Variants in TREML4 observed in about 807,000 individuals in gnomAD.
TREML4 encodes trem-like transcript 4 protein.
In TREML4, 25 loss-of-function variants were observed where a neutral mutation model predicts 25.4. The observed-to-expected ratio is 0.98, with a 90% CI of 0.72 to 1.37. The LOEUF (loss-of-function observed/expected upper bound fraction) is 1.37, where lower values mean the gene tolerates loss of function less well. TREML4 is among the 40% of genes most tolerant of loss of function. TREML4 has a pLI of 0.00. For synonymous variants in TREML4, 92 were observed against 87.9 expected, an observed-to-expected ratio of 1.05 and a Z score of -0.26; for missense variants, 268 against 236.5, an observed-to-expected ratio of 1.13 and a Z score of -0.87.
chr6:41,233,040 T>C (rs1415978110), intron 4 of TREML4, among the ~76,000 whole-genome samples: 1 of 152,166 alleles, frequency 6.6e-6, no homozygotes, highest in African/African-American at 2.4e-5. Context: ...TGGGTACTTG[T>C]CTCATGAGAG....
intron 4 of TREML4, 55 bp from the exon 5 acceptor site, chr6:41,236,431 G>A: frequency 1.3e-5 from 19 of 1,504,288 alleles, no homozygotes; most frequent in Non-Finnish European, 1.7e-5. Context: ...GGACACCGCA[G>A]GAGGTGGTGA....
chr6:41,232,324 A>G (rs773706861), intron 4 of TREML4: 30 of 399,334 alleles, frequency 7.5e-5, no homozygotes, highest in South Asian at 1.2e-4. Context: ...TGTGCCCAGC[A>G]TCTTGGGAAA....
intron 5 of TREML4, 87 bp downstream of exon 5, chr6:41,236,704 T>G: frequency 1.4e-6 from 1 of 715,324 alleles, no homozygotes; most frequent in Non-Finnish European, 2.4e-6. Context: ...AGCAGCCAGG[T>G]CACAGAGGCA....
At chr6:41,230,217 A>T in intron 4 of TREML4, 95 bp downstream of exon 4, 2 of 1,058,474 alleles carry the variant, frequency 1.9e-6, no homozygotes, top group Non-Finnish European at 2.9e-6. Flanking sequence ...GCACCCAGGG[A>T]TCCTTCTCTG....
chr6:41,229,110 A>T, intron 2 of TREML4, 66 bp downstream of exon 2: 1 of 1,377,900 alleles, frequency 7.3e-7, no homozygotes, highest in Non-Finnish European at 1.0e-6. Context: ...AATGTCATGC[A>T]CCCCCTCCCA....
At chr6:41,229,424 G>A (rs916495463) in intron 2 of TREML4, 97 bp from the exon 3 acceptor site, 13 of 1,315,186 alleles carry the variant, frequency 9.9e-6, no homozygotes, top group Admixed American at 1.7e-5. Context: ...CATCCTGAGG[G>A]TCTGGCTCTG....
chr6:41,228,394 TCTC>T lies in TREML4; in HGVS notation c.-29_-27del, dbSNP rs1561900426. 1.3e-6 allele frequency: 2 copies of T among 1,561,266 alleles called. No individual in the cohort carries two copies. Among genetic ancestry groups the T allele is most frequent in the East Asian group, 2.3e-5 (1 of 43,486 alleles). On this transcript the variant is annotated 5_prime_UTR_variant, in exon 1 of 6. Coordinates refer to ENST00000341495, the MANE Select transcript of TREML4 (RefSeq NM_198153.3). ...CCTGAGAGGGCTCCCTTTTTTCTCCTCTCCTCCGCTGTCAGAAACAGATCTGGG... is the reference window on the plus strand; with the variant it reads ...CCTGAGAGGGCTCCCTTTTTTCTCCTCTCCGCTGTCAGAAACAGATCTGGG...
At position 41,238,241 on chromosome 6, in the gene TREML4, A is replaced by G. The variant is rs1766938682; in HGVS notation, c.*1222A>G. ...TTTATTTTTTTAATCCTCATTCCCTATGTCCACTTGCCTTCCTCTCCGAGG... is the reference window on the plus strand; with the variant it reads ...TTTATTTTTTTAATCCTCATTCCCTGTGTCCACTTGCCTTCCTCTCCGAGG... On this transcript the variant is annotated 3_prime_UTR_variant, in exon 6 of 6. Transcript: ENST00000341495. The G allele has an allele frequency of 2.0e-5, 3 of 152,260 alleles. No individual in the cohort carries two copies. The highest frequency in any genetic ancestry group is 3.9e-4 in the East Asian group (2 of 5,188). The allele number at this position is 152,260 out of a possible 1,614,324, so 9.4% of individuals were successfully genotyped here. A position where few individuals can be genotyped will look rare whatever the true frequency, so the allele number is the denominator to read the frequency against.
intron 2 of TREML4, 69 bp downstream of exon 2, chr6:41,229,113 C>G: frequency 1.5e-6 from 2 of 1,330,446 alleles, no homozygotes; most frequent in African/African-American, 2.9e-5. Flanking sequence ...GTCATGCACC[C>G]CCTCCCATGC....
rs549967038 is a variant in TREML4, at chr6:41,233,187, C to T, written c.506+3065C>T. ...ACTCTAGCCAAAGGAAAGTCGGAAT[C>T]GAATTTTTAAAAAATAAAGCACAAT... On this transcript the variant is annotated intron_variant, in intron 4 of 5. Transcript: ENST00000341495. 1.2e-4 allele frequency among the ~76,000 whole-genome samples: 18 copies of T among 151,926 alleles called. No homozygotes were observed. The South Asian group carries it at 3.5e-3, about 30-fold the overall frequency.
At chr6:41,233,837 T>A (rs962805908) in intron 4 of TREML4, among the ~76,000 whole-genome samples, 2 of 151,222 alleles carry the variant, frequency 1.3e-5, no homozygotes, top group East Asian at 1.9e-4. Flanking sequence ...TGCTTTTAAA[T>A]ATATAATATT....
Position 41,234,414 on chromosome 6 carries a change from AC to A in TREML4, c.507-2069del, listed in dbSNP as rs202177384. 6.6e-3 allele frequency among the ~76,000 whole-genome samples: 1,007 copies of A among 151,522 alleles called. 11 individuals carry two copies. Among genetic ancestry groups the A allele is most frequent in the African/African-American group, 0.023 (949 of 41,504 alleles). ...AGATGGAACACGAGCATCAGAGCAA[AC>A]CCAAAGAATCATATAATTGAATGAT... On this transcript the variant is annotated intron_variant, in intron 4 of 5. Coordinates refer to ENST00000341495, the MANE Select transcript of TREML4 (RefSeq NM_198153.3).
In TREML4 at chr6:41,228,732, C is replaced by T. The variant is rs1766725926; in HGVS notation, c.82C>T (p.Leu28Phe). Residue 28 changes from leucine (L) to phenylalanine (F), a missense_variant, in exon 2 of 6, where the codon CTT becomes TTT. Leu to Phe is a conservative substitution (Grantham distance 22, BLOSUM62 0). Coordinates refer to ENST00000341495, the MANE Select transcript of TREML4 (RefSeq NM_198153.3). ...GGTAAAGGGTGCTGTGCCTGAAGAA[C>T]TTCACAAACACCCAGGACAGACCCT... The part of the protein sequence containing the change: ...SWPQGAVPEE[L>F]HKHPGQTLLL... 18 of 1,613,420 alleles carry T rather than the reference C, an allele frequency of 1.1e-5. No individual in the cohort carries two copies. The highest frequency in any genetic ancestry group is 1.4e-5 in the Non-Finnish European group (17 of 1,179,594).
Position 41,228,363 on chromosome 6 carries a change from A to AATC in TREML4, c.-65_-64insATC. 3.7e-6 allele frequency: 4 copies of AATC among 1,073,538 alleles called. 1 individual carries two copies. The highest frequency in any genetic ancestry group is 5.1e-6 in the Non-Finnish European group (4 of 787,802). 66.5% of individuals were successfully genotyped at this position (1,073,538 alleles called of 1,614,324 possible). A position where few individuals can be genotyped will look rare whatever the true frequency, so the allele number is the denominator to read the frequency against. On this transcript the variant is annotated 5_prime_UTR_variant, in exon 1 of 6. Coordinates refer to ENST00000341495, the MANE Select transcript of TREML4 (RefSeq NM_198153.3). ...GGGGCAGAATCAGACCCAGCGTCTG[A>AATC]CTCCTCCTGAGAGGGCTCCCTTTTT...
In TREML4 at chr6:41,228,461, C is replaced by T; in HGVS notation, c.34C>T (p.His12Tyr). The change falls in exon 1 of 6, where the codon CAC becomes TAC. Residue 12 changes from histidine (H) to tyrosine (Y), a missense_variant. Transcript: ENST00000341495. ...AWGGVHTCCF[H>Y]LCCCCSWPQG... ...GGGTGGGGTCCACACCTGCTGCTTC[C>T]ACCTGTGCTGCTGCTGCTCCTGGCC... The T allele has an allele frequency of 6.2e-7, 1 of 1,613,084 alleles. No homozygotes were observed. The highest frequency in any genetic ancestry group is 8.5e-7 in the Non-Finnish European group (1 of 1,179,596).
At position 41,228,806 on chromosome 6, in the gene TREML4, A is replaced by T. The variant is rs1243051607; in HGVS notation, c.156A>T (p.Lys52Asn). 1 of 1,614,100 alleles carries T rather than the reference A, an allele frequency of 6.2e-7. No individual in the cohort carries two copies. The highest frequency in any genetic ancestry group is 2.2e-5 in the East Asian group (1 of 44,876). ...YSPKRGPYQPKSWCQQTSPSR... is the reference protein window; with the variant it reads ...YSPKRGPYQPNSWCQQTSPSR... ...CCAAGAGAGGGCCCTATCAGCCCAA[A>T]TCCTGGTGTCAGCAGACATCTCCAA... Residue 52 changes from lysine (K) to asparagine (N), a missense_variant, in exon 2 of 6, where the codon AAA (lysine) becomes AAT (asparagine). Physicochemically the swap from Lys to Asn is moderately conservative, Grantham distance 94 (BLOSUM62 0). Transcript: ENST00000341495.
rs1766911174 is a variant in TREML4, at chr6:41,236,696, C to G, written c.*35+79C>G. 13 of 770,086 alleles carry G rather than the reference C, an allele frequency of 1.7e-5. 1 individual carries two copies. The South Asian group carries it at 2.2e-4, about 13-fold the overall frequency. The allele number at this position is 770,086 out of a possible 1,614,324, so 47.7% of individuals were successfully genotyped here. A position where few individuals can be genotyped will look rare whatever the true frequency, so the allele number is the denominator to read the frequency against. On this transcript the variant is annotated intron_variant, in intron 5 of 5. Coordinates refer to ENST00000341495, the MANE Select transcript of TREML4 (RefSeq NM_198153.3). ...TCCTAGAAAGATGGCTAGGAAGAAG[C>G]AGCCAGGTCACAGAGGCAGGAAAAA...
intron 4 of TREML4, among the ~76,000 whole-genome samples, 193 bp downstream of exon 4, chr6:41,230,315 G>T (rs147720852): frequency 2.6e-5 from 4 of 152,354 alleles, no homozygotes; most frequent in Non-Finnish European, 4.4e-5. Context: ...GATGCAGGTT[G>T]TTAATTGTGG....
At chr6:41,233,591 C>G (rs368430542) in intron 4 of TREML4, among the ~76,000 whole-genome samples, 1 of 151,364 alleles carries the variant, frequency 6.6e-6, no homozygotes, top group Non-Finnish European at 1.5e-5. Flanking sequence ...TAAATTTTGG[C>G]CATGAAATAT....
Sources: gnomAD v4.1 joint callset for allele counts (sites outside exome capture counted in the v4.1 genomes callset) on GRCh38, gnomAD v4.1.1 for gene constraint, MANE v1.5 for transcripts, NCBI Gene and HGNC (gene_info 2026-07-23, HGNC 2026-07-21) for gene names.